The following SYK variants were observed in gnomAD, a reference collection of about 807,000 sequenced individuals.
SYK encodes tyrosine-protein kinase SYK.
SYK carries 16 observed loss-of-function variants against 77.8 expected under a neutral mutation model. The ratio of observed to expected loss-of-function variants is 0.21; its 90% CI spans 0.14 to 0.31. The LOEUF is 0.31. SYK is among the 10% of genes least tolerant of loss of function. SYK has a pLI of 1.00. For missense variants in SYK, 529 were observed against 814.4 expected (o/e 0.65, Z 4.26); for synonymous variants, 312 against 308.7 (o/e 1.01, Z -0.11).
At chr9:90,866,466 G>A (rs1387230263) in intron 6 of SYK, among the ~76,000 whole-genome samples, 3 of 152,192 alleles carry the variant, frequency 2.0e-5, no homozygotes, top group Non-Finnish European at 2.9e-5. Context: ...CTTTATGGAA[G>A]TGTGACTTTA....
intron 11 of SYK, among the ~76,000 whole-genome samples, chr9:90,885,862 G>T (rs956246598): frequency 1.3e-5 from 2 of 152,168 alleles, no homozygotes; most frequent in Non-Finnish European, 2.9e-5. Context: ...TACAGGCCAG[G>T]AGAGAAGGGG....
chr9:90,895,474 C>G lies in SYK; in HGVS notation c.1836-54C>G, dbSNP rs536772453. The stretch of plus-strand genomic sequence containing the variant: ...AGCCTGCAGAGGCCCTGCTTGTGAT[C>G]AGCAATTTTTCACAAGCACATTGAC... On this transcript the variant is annotated intron_variant, in intron 13 of 13. Transcript: ENST00000375754. The surrounding 1 kb of genome is among the most constrained non-coding windows in gnomAD (Gnocchi z 4.4). 1.5e-4 allele frequency: 239 copies of G among 1,586,820 alleles called. 2 individuals carry two copies. In the Middle Eastern group the frequency reaches 8.3e-3, roughly 55 times the overall value.
intron 11 of SYK, 100 bp from the exon 12 acceptor site, chr9:90,887,649 C>T: frequency 7.5e-7 from 1 of 1,333,446 alleles, no homozygotes; most frequent in Non-Finnish European, 1.0e-6. Flanking sequence ...GTGATCTGCT[C>T]TCCTCAGCCT....
intron 3 of SYK, among the ~76,000 whole-genome samples, chr9:90,849,748 T>A (rs1029885875): frequency 5.9e-5 from 9 of 152,242 alleles, no homozygotes; most frequent in African/African-American, 1.9e-4. Flanking sequence ...GGCTCCACCT[T>A]ATCACCAGCT....
chr9:90,854,630 A>G (rs1467473012), intron 3 of SYK, among the ~76,000 whole-genome samples: 2 of 152,078 alleles, frequency 1.3e-5, no homozygotes, highest in Non-Finnish European at 2.9e-5. Context: ...TGTTCCAAGT[A>G]TGCAGGATCA....
Position 90,864,610 on chromosome 9 carries a change from A to G in SYK, c.739A>G (p.Lys247Glu). The G allele has an allele frequency of 1.2e-6, 2 of 1,614,170 alleles. No homozygotes were observed. Among genetic ancestry groups the G allele is most frequent in the Non-Finnish European group, 1.7e-6 (2 of 1,180,022 alleles). Reference protein sequence around the residue: ...LWQLVEHYSYKADGLLRVLTV... With the variant: ...LWQLVEHYSYEADGLLRVLTV... ...TCAGCTAGTCGAGCATTATTCTTAT[A>G]AAGCAGATGGTTTGTTAAGAGTTCT... The change falls in exon 5 of 14, where the codon AAA (lysine) becomes GAA (glutamate). Residue 247 changes from lysine (K) to glutamate (E), a missense_variant. Physicochemically the swap from Lys to Glu is moderately conservative, Grantham distance 56. Around this residue, in one of 2 missense-constraint regions of SYK, gnomAD observed 321 missense variants for 433.1 expected, o/e 0.74. Transcript: ENST00000375754.
rs1403978992 is a variant in SYK, at chr9:90,884,731, A to G, written c.1582-3018A>G. Among the ~76,000 whole-genome samples, 4 of 32,322 alleles carry G rather than the reference A, an allele frequency of 1.2e-4. 2 individuals are homozygous for G. The highest frequency in any genetic ancestry group is 9.6e-4 in the African/African-American group (4 of 4,174). 21.2% of individuals were successfully genotyped at this position (32,322 alleles called of 152,430 possible). On this transcript the variant is annotated intron_variant, in intron 11 of 13. Transcript: ENST00000375754. ...CATATACACATATACACATATGTGT[A>G]CATGTACATATACACATATACACAT...
intron 3 of SYK, 74 bp downstream of exon 3, chr9:90,845,668 T>G: frequency 6.5e-7 from 1 of 1,549,050 alleles, no homozygotes; most frequent in Non-Finnish European, 8.8e-7. Context: ...TCAGCTTCCT[T>G]GTGACTGGCC....
intron 13 of SYK, among the ~76,000 whole-genome samples, chr9:90,890,779 G>A (rs1218443910): frequency 6.6e-6 from 1 of 152,244 alleles, no homozygotes; most frequent in Non-Finnish European, 1.5e-5. Flanking sequence ...GGGAGGTGGG[G>A]AGATGTTCTG....
chr9:90,843,917 G>T lies in SYK; in HGVS notation c.19G>T (p.Ala7Ser). The change falls in exon 2 of 14, where the codon GCT becomes TCT. Residue 7 changes from alanine to serine, a missense_variant. Ala to Ser is a moderately conservative substitution (Grantham distance 99). Coordinates refer to ENST00000375754, the MANE Select transcript of SYK (RefSeq NM_003177.7). ...CTGAAGCATGGCCAGCAGCGGCATG[G>T]CTGACAGCGCCAACCACCTGCCCTT... Reference protein sequence around the residue: MASSGMADSANHLPFFF... With the variant: MASSGMSDSANHLPFFF... 6.5e-7 allele frequency: 1 copy of T among 1,546,168 alleles called. No homozygotes were observed.
rs1264476472 is a variant in SYK, at chr9:90,897,004, G to C, written c.*1404G>C. On this transcript the variant is annotated 3_prime_UTR_variant, in exon 14 of 14. Coordinates refer to ENST00000375754, the MANE Select transcript of SYK (RefSeq NM_003177.7). ...ATCATGCCACTGCACTCCAGCTTGG[G>C]CATCACAGCGAGACTCTGTCAAAAC... 1 of 205,904 alleles carries C rather than the reference G, an allele frequency of 4.9e-6. No homozygotes were observed. The highest frequency in any genetic ancestry group is 9.9e-6 in the Non-Finnish European group (1 of 100,798). 12.8% of individuals were successfully genotyped at this position (205,904 alleles called of 1,614,324 possible).
intron 1 of SYK, among the ~76,000 whole-genome samples, chr9:90,836,420 C>T (rs1826088223): frequency 6.6e-6 from 1 of 151,910 alleles, no homozygotes; most frequent in Non-Finnish European, 1.5e-5. Context: ...TCAAAACTTA[C>T]ACATAAATAC....
chr9:90,892,642 G>A lies in SYK; in HGVS notation c.1836-2886G>A, dbSNP rs75235481. Among the ~76,000 whole-genome samples the A allele has an allele frequency of 1.1e-3, 164 of 152,324 alleles. 4 individuals carry two copies. In the East Asian group the frequency reaches 0.029, roughly 27 times the overall value. ...GGAAACACTGGCCCTAAGAAAAGCA[G>A]GAATCAGTCAGGAAGCCTTCCACTG... On this transcript the variant is annotated intron_variant, in intron 13 of 13. Transcript: ENST00000375754.
In SYK at chr9:90,895,939, C is replaced by T; in HGVS notation, c.*339C>T. On this transcript the variant is annotated 3_prime_UTR_variant, in exon 14 of 14. Coordinates refer to ENST00000375754, the MANE Select transcript of SYK (RefSeq NM_003177.7). This position sits in a 1 kb window ranked among gnomAD's most constrained non-coding sequence, Gnocchi z 4.4. ...TCTGGGTCCCGGGGTGCATTTGTTA[C>T]TCATCGGGCCCAGGGACATTGCAGA... The T allele has an allele frequency of 2.9e-6, 1 of 344,914 alleles. No individual in the cohort carries two copies. The highest frequency in any genetic ancestry group is 5.5e-6 in the Non-Finnish European group (1 of 180,568). The allele number at this position is 344,914 out of a possible 1,614,324, so 21.4% of individuals were successfully genotyped here. A position where few individuals can be genotyped will look rare whatever the true frequency, so the allele number is the denominator to read the frequency against.
At chr9:90,880,122 G>T (rs749540218) in intron 11 of SYK, among the ~76,000 whole-genome samples, 2 of 152,246 alleles carry the variant, frequency 1.3e-5, no homozygotes, top group Non-Finnish European at 1.5e-5. Context: ...GTGGGTGGCA[G>T]ATAGGATCCT....
At chr9:90,894,024 C>A (rs923692919) in intron 13 of SYK, among the ~76,000 whole-genome samples, 3 of 152,208 alleles carry the variant, frequency 2.0e-5, no homozygotes, top group Non-Finnish European at 4.4e-5. Flanking sequence ...TCCTAGGAGA[C>A]CTGACCAGGT....
At chr9:90,834,737 A>G (rs1826009284) in intron 1 of SYK, among the ~76,000 whole-genome samples, 1 of 152,236 alleles carries the variant, frequency 6.6e-6, no homozygotes, top group Non-Finnish European at 1.5e-5. Flanking sequence ...TTAGAACATT[A>G]TGAGATTTCT....
At chr9:90,825,410 C>T (rs1825638569) in intron 1 of SYK, among the ~76,000 whole-genome samples, 1 of 152,072 alleles carries the variant, frequency 6.6e-6, no homozygotes, top group South Asian at 2.1e-4. Context: ...TCTAGAATAC[C>T]CAACACAATA....
chr9:90,882,467 C>T lies in SYK; in HGVS notation c.1581+3514C>T, dbSNP rs183677691. ...TGAGACCTCACACAGGTGACATCAGCAGAAGATAACCAGACTCCGCTGTGT... is the reference window on the plus strand; with the variant it reads ...TGAGACCTCACACAGGTGACATCAGTAGAAGATAACCAGACTCCGCTGTGT... On this transcript the variant is annotated intron_variant, in intron 11 of 13. Coordinates refer to ENST00000375754, the MANE Select transcript of SYK (RefSeq NM_003177.7). Among the ~76,000 whole-genome samples the T allele has an allele frequency of 2.0e-5, 3 of 152,352 alleles. No homozygotes were observed. The East Asian group carries it at 5.8e-4, about 29-fold the overall frequency.
Sources: allele counts gnomAD v4.1 joint callset (sites outside exome capture counted in the v4.1 genomes callset), GRCh38; gene constraint gnomAD v4.1.1; regional missense constraint gnomAD v4.1.1; non-coding constraint Gnocchi (gnomAD v3.1); transcripts MANE v1.5; gene names NCBI Gene and HGNC (gene_info 2026-07-23, HGNC 2026-07-21).